ARHGAP24: variants seen among roughly 807,000 people sequenced by gnomAD.
The protein encoded by ARHGAP24 is rho GTPase-activating protein 24.
Under a neutral mutation model 76.4 loss-of-function variants are expected in ARHGAP24, and 50 were observed. The observed-to-expected ratio is 0.65, with a 90% CI of 0.52 to 0.83. The LOEUF is 0.83. Ranked by LOEUF, ARHGAP24 falls within the 40% of genes least tolerant of loss-of-function variation. The probability of loss-of-function intolerance (pLI) is 0.00; values close to 1 mark genes in which losing one functional copy is unlikely to be tolerated. For synonymous variants in ARHGAP24, 345 were observed against 323.3 expected (o/e 1.07, Z -0.72); for missense variants, 930 against 914.2 (o/e 1.02, Z -0.22).
At chr4:85,890,847 T>C (rs1302455003) in intron 3 of ARHGAP24, among the ~76,000 whole-genome samples, 1 of 152,172 alleles carries the variant, frequency 6.6e-6, no homozygotes, top group East Asian at 1.9e-4. Context: ...TCTATGACAA[T>C]AGCACATAAA....
intron 3 of ARHGAP24, among the ~76,000 whole-genome samples, chr4:85,827,461 CGTGT>C (rs56379272): frequency 0.084 from 9,087 of 108,534 alleles, 281 homozygotes; most frequent in South Asian, 0.12. Flanking sequence ...GAAGTCTGCC[CGTGT>C]GTGTGTGTGT....
chr4:85,728,881 T>G (rs1235333043), intron 3 of ARHGAP24, among the ~76,000 whole-genome samples: 1 of 152,240 alleles, frequency 6.6e-6, no homozygotes, highest in Non-Finnish European at 1.5e-5. Context: ...TTGGCTACAT[T>G]AACTTGCTGT....
intron 3 of ARHGAP24, among the ~76,000 whole-genome samples, chr4:85,788,624 T>G (rs1256161911): frequency 6.6e-6 from 1 of 152,214 alleles, no homozygotes; most frequent in African/African-American, 2.4e-5. Flanking sequence ...TTTTAGTTTA[T>G]ATTTCATACA....
chr4:85,561,373 C>T (rs1726592045), intron 1 of ARHGAP24, among the ~76,000 whole-genome samples: 1 of 152,192 alleles, frequency 6.6e-6, no homozygotes, highest in African/African-American at 2.4e-5. Context: ...AAAACAATCT[C>T]TATTACATCC....
At chr4:85,560,299 A>G (rs1034476242) in intron 1 of ARHGAP24, among the ~76,000 whole-genome samples, 2 of 151,934 alleles carry the variant, frequency 1.3e-5, no homozygotes, top group Non-Finnish European at 1.5e-5. Context: ...CTCTAGTTGA[A>G]TTAAAGCCAT....
chr4:85,716,070 T>C (rs540454454), intron 2 of ARHGAP24, among the ~76,000 whole-genome samples: 2 of 152,078 alleles, frequency 1.3e-5, no homozygotes, highest in East Asian at 1.9e-4. Flanking sequence ...GTGATGCTCA[T>C]AGTCATTGTT....
intron 6 of ARHGAP24, among the ~76,000 whole-genome samples, chr4:85,974,009 AT>A (rs201491396): frequency 0.061 from 7,737 of 127,014 alleles, 713 homozygotes; most frequent in African/African-American, 0.22. Context: ...AGCCTGGCTA[AT>A]TTTTTTTTTT....
chr4:85,792,127 G>A (rs767147009), intron 3 of ARHGAP24, among the ~76,000 whole-genome samples: 10 of 148,106 alleles, frequency 6.8e-5, no homozygotes, highest in Non-Finnish European at 1.5e-4. Flanking sequence ...ATTCTAATTT[G>A]TCCTAACAAT....
chr4:85,993,830 T>C (rs562026513), intron 8 of ARHGAP24, among the ~76,000 whole-genome samples: 10 of 152,334 alleles, frequency 6.6e-5, no homozygotes, highest in African/African-American at 2.4e-4. Context: ...CTGCTCTTAC[T>C]GAGATTCAGC....
At chr4:85,968,024 G>A (rs1287561839) in intron 5 of ARHGAP24, among the ~76,000 whole-genome samples, 1 of 152,162 alleles carries the variant, frequency 6.6e-6, no homozygotes, top group African/African-American at 2.4e-5. Context: ...ACAGCTGCCT[G>A]TGATTGGCTG....
At chr4:85,646,611 T>C (rs1013058509) in intron 2 of ARHGAP24, among the ~76,000 whole-genome samples, 4 of 152,118 alleles carry the variant, frequency 2.6e-5, no homozygotes, top group Admixed American at 1.3e-4. Flanking sequence ...TAGACCCTCA[T>C]TGAATAAATT....
At chr4:85,705,378 C>T (rs1267928352) in intron 2 of ARHGAP24, among the ~76,000 whole-genome samples, 1 of 152,038 alleles carries the variant, frequency 6.6e-6, no homozygotes, top group Non-Finnish European at 1.5e-5. Flanking sequence ...AAGACATATA[C>T]ATATTGAAGT....
intron 3 of ARHGAP24, among the ~76,000 whole-genome samples, chr4:85,812,747 A>G (rs1347720077): frequency 6.6e-6 from 1 of 152,198 alleles, no homozygotes; most frequent in Non-Finnish European, 1.5e-5. Flanking sequence ...TAATTGATCA[A>G]TATAGCTTTC....
intron 2 of ARHGAP24, among the ~76,000 whole-genome samples, chr4:85,590,208 T>A (rs140660196): frequency 1.3e-5 from 1 of 74,184 alleles, no homozygotes; most frequent in African/African-American, 3.6e-5. Flanking sequence ...CTTCCTTCCT[T>A]CCTTCCTTCC....
At chr4:85,988,386 T>G (rs1740127305) in intron 8 of ARHGAP24, among the ~76,000 whole-genome samples, 2 of 151,650 alleles carry the variant, frequency 1.3e-5, no homozygotes, top group Admixed American at 1.3e-4. Flanking sequence ...AGAAATGAAA[T>G]GTATGACAAC....
chr4:85,775,708 A>G (rs530242771), intron 3 of ARHGAP24, among the ~76,000 whole-genome samples: 5 of 152,298 alleles, frequency 3.3e-5, no homozygotes, highest in African/African-American at 9.6e-5. Context: ...CTGAAGCTAA[A>G]TCATGTAGTA....
chr4:85,905,229 C>G (rs6531882), intron 3 of ARHGAP24, among the ~76,000 whole-genome samples: 45,399 of 151,782 alleles, frequency 0.3, 6,922 homozygotes, highest in South Asian at 0.43. Flanking sequence ...TTTTACATTA[C>G]TGAAAAGAGG....
chr4:85,596,714 T>C (rs1719847832), intron 2 of ARHGAP24, among the ~76,000 whole-genome samples: 1 of 152,072 alleles, frequency 6.6e-6, no homozygotes, highest in African/African-American at 2.4e-5. Flanking sequence ...ATAATATTTG[T>C]ATATAAAACA....
At chr4:85,515,995 A>G (rs1033808005) in intron 1 of ARHGAP24, among the ~76,000 whole-genome samples, 5 of 152,298 alleles carry the variant, frequency 3.3e-5, no homozygotes, top group African/African-American at 2.4e-5. Flanking sequence ...GACCTGGAAT[A>G]ACATCTTTTT....
Sources: allele counts gnomAD v4.1 joint callset (sites outside exome capture counted in the v4.1 genomes callset), GRCh38; gene constraint gnomAD v4.1.1; transcripts MANE v1.5; gene names NCBI Gene and HGNC (gene_info 2026-07-23, HGNC 2026-07-21).